PCDH7: variants seen among roughly 807,000 people sequenced by gnomAD.
PCDH7 encodes the protein protocadherin-7.
Under a neutral mutation model 58.9 loss-of-function variants are expected in PCDH7, and 17 were observed. That is an observed-to-expected ratio of 0.29 (90% confidence interval 0.20 to 0.43). The LOEUF is 0.43. Among genes scored for constraint, PCDH7 ranks in the 20% least tolerant of loss-of-function variants. The probability of loss-of-function intolerance (pLI) is 1.00; values close to 1 mark genes in which losing one functional copy is unlikely to be tolerated. For synonymous variants in PCDH7, 664 were observed against 616.4 expected, an observed-to-expected ratio of 1.08 and a Z score of -1.14; for missense variants, 1,274 against 1,441.0, an observed-to-expected ratio of 0.88 and a Z score of 1.88.
chr4:31,085,414 CA>C (rs1248798533), intron 3 of PCDH7, among the ~76,000 whole-genome samples: 1 of 152,096 alleles, frequency 6.6e-6, no homozygotes, highest in Non-Finnish European at 1.5e-5. Context: ...GTTAGTCTTA[CA>C]AAGGCAATCT....
At chr4:30,874,731 G>T (rs1348627817) in intron 1 of PCDH7, among the ~76,000 whole-genome samples, 2 of 146,236 alleles carry the variant, frequency 1.4e-5, no homozygotes, top group African/African-American at 5.0e-5. Context: ...AAAAAAAAAA[G>T]ATAGCATTAT....
chr4:30,781,685 C>T (rs1408675721), intron 1 of PCDH7, among the ~76,000 whole-genome samples: 3 of 151,852 alleles, frequency 2.0e-5, no homozygotes, highest in Admixed American at 6.6e-5. Flanking sequence ...TACAGGCATG[C>T]GCCACCATGC....
At chr4:31,016,852 G>T (rs1459751938) in intron 3 of PCDH7, among the ~76,000 whole-genome samples, 1 of 149,224 alleles carries the variant, frequency 6.7e-6, no homozygotes, top group African/African-American at 2.5e-5. Context: ...TGTGTGTGCT[G>T]GGTGTGTGTG....
intron 3 of PCDH7, among the ~76,000 whole-genome samples, chr4:31,080,884 G>A (rs1382325523): frequency 1.3e-5 from 2 of 152,148 alleles, no homozygotes. Flanking sequence ...CTGTTCTTGT[G>A]GTAGTGAATA....
chr4:30,796,969 C>G (rs1056080210), intron 1 of PCDH7, among the ~76,000 whole-genome samples: 1 of 145,654 alleles, frequency 6.9e-6, no homozygotes, highest in Non-Finnish European at 1.5e-5. Flanking sequence ...TTTTCTTTTT[C>G]TTTTTTTTTT....
At chr4:31,022,058 A>G (rs1403152146) in intron 3 of PCDH7, among the ~76,000 whole-genome samples, 5 of 152,174 alleles carry the variant, frequency 3.3e-5, no homozygotes, top group African/African-American at 1.2e-4. Flanking sequence ...TATGTGAAAT[A>G]AAGAACACTT....
intron 3 of PCDH7, among the ~76,000 whole-genome samples, chr4:31,055,903 CT>C: frequency 6.6e-6 from 1 of 152,118 alleles, no homozygotes; most frequent in Non-Finnish European, 1.5e-5. Flanking sequence ...TTATAATCTT[CT>C]TTAAGTATTC....
At chr4:30,957,392 CT>C (rs1291802626) in intron 3 of PCDH7, among the ~76,000 whole-genome samples, 1 of 152,054 alleles carries the variant, frequency 6.6e-6, no homozygotes, top group Admixed American at 6.6e-5. Context: ...GTGGTCTTAG[CT>C]GAGTATAATA....
chr4:31,056,518 G>GAAAGAAAGA (rs1560608945), intron 3 of PCDH7, among the ~76,000 whole-genome samples: 6 of 74,932 alleles, frequency 8.0e-5, no homozygotes, highest in East Asian at 7.1e-4. Context: ...AGAAAGAAAG[G>GAAAGAAAGA]GGAAGGGAAG....
chr4:30,799,951 C>G (rs1725312004), intron 1 of PCDH7, among the ~76,000 whole-genome samples: 1 of 151,566 alleles, frequency 6.6e-6, no homozygotes, highest in Non-Finnish European at 1.5e-5. Context: ...CCTGCCAGGT[C>G]CATGCGATTC....
chr4:30,958,981 TTCAATAGTGTGAGGC>T (rs1406635016), intron 3 of PCDH7, among the ~76,000 whole-genome samples: 1 of 152,114 alleles, frequency 6.6e-6, no homozygotes, highest in Non-Finnish European at 1.5e-5. Context: ...AGCTTGTCTT[TTCAATAGTGTGAGGC>T]TCAAAGCACC....
chr4:30,738,805 CTT>C (rs974784557), intron 1 of PCDH7, among the ~76,000 whole-genome samples: 5 of 151,904 alleles, frequency 3.3e-5, no homozygotes, highest in African/African-American at 1.2e-4. Context: ...GAAATGTAGT[CTT>C]AATATTCTTC....
intron 2 of PCDH7, among the ~76,000 whole-genome samples, chr4:30,946,327 T>C (rs1746670757): frequency 1.3e-5 from 2 of 152,140 alleles, no homozygotes; most frequent in African/African-American, 4.8e-5. Context: ...CTCCCTGTAA[T>C]ATATTAACAT....
At chr4:30,788,339 C>G (rs1001322472) in intron 1 of PCDH7, among the ~76,000 whole-genome samples, 2 of 152,012 alleles carry the variant, frequency 1.3e-5, no homozygotes, top group African/African-American at 4.8e-5. Context: ...TTCTTCTCCG[C>G]TATTTGTACT....
At chr4:31,052,789 C>A (rs28602887) in intron 3 of PCDH7, among the ~76,000 whole-genome samples, 1 of 152,090 alleles carries the variant, frequency 6.6e-6, no homozygotes, top group Non-Finnish European at 1.5e-5. Context: ...GTAGGAATCA[C>A]TTGTGTGAGA....
At chr4:31,128,353 G>A (rs1718569370) in intron 3 of PCDH7, among the ~76,000 whole-genome samples, 1 of 151,912 alleles carries the variant, frequency 6.6e-6, no homozygotes, top group Non-Finnish European at 1.5e-5. Context: ...ACTACCATGA[G>A]GCAGATAAAA....
At chr4:30,832,928 G>T (rs1282308260) in intron 1 of PCDH7, among the ~76,000 whole-genome samples, 1 of 152,112 alleles carries the variant, frequency 6.6e-6, no homozygotes, top group East Asian at 1.9e-4. Context: ...GTCACAGAAG[G>T]CAGGCTAATT....
intron 2 of PCDH7, among the ~76,000 whole-genome samples, chr4:30,942,257 CTTA>C (rs1263297512): frequency 6.6e-6 from 1 of 151,838 alleles, no homozygotes; most frequent in East Asian, 1.9e-4. Flanking sequence ...GCTTGCTCTT[CTTA>C]TAACTTAATC....
intron 3 of PCDH7, among the ~76,000 whole-genome samples, chr4:30,973,389 T>C (rs1011355691): frequency 6.6e-6 from 1 of 152,176 alleles, no homozygotes; most frequent in Non-Finnish European, 1.5e-5. Context: ...AATCAAATCA[T>C]AGCACCCTTT....
Sources: gnomAD v4.1 joint callset for allele counts (sites outside exome capture counted in the v4.1 genomes callset) on GRCh38, gnomAD v4.1.1 for gene constraint, MANE v1.5 for transcripts, NCBI Gene and HGNC (gene_info 2026-07-23, HGNC 2026-07-21) for gene names.